DTNA: variants seen among roughly 807,000 people sequenced by gnomAD.
The protein encoded by DTNA is dystrobrevin alpha, also known as dystrophin-related protein 3.
DTNA carries 43 observed loss-of-function variants against 100.7 expected under a neutral mutation model. That is an observed-to-expected ratio of 0.43 (90% CI 0.33 to 0.55). The LOEUF (loss-of-function observed/expected upper bound fraction) is 0.55, where lower values mean the gene tolerates loss of function less well. DTNA is among the 20% of genes least tolerant of loss of function. DTNA has a pLI of 0.04. For synonymous variants in DTNA, 349 were observed against 347.9 expected (o/e 1.00, Z -0.04); for missense variants, 798 against 953.9 (o/e 0.84, Z 2.15).
intron 13 of DTNA, among the ~76,000 whole-genome samples, chr18:34,839,684 C>T (rs2096230664): frequency 6.6e-6 from 1 of 152,142 alleles, no homozygotes; most frequent in Non-Finnish European, 1.5e-5. Context: ...TCAACCACTT[C>T]AATTTTCTCT....
chr18:34,801,261 G>C (rs566382066), intron 4 of DTNA, among the ~76,000 whole-genome samples: 1 of 151,960 alleles, frequency 6.6e-6, no homozygotes, highest in African/African-American at 2.4e-5. Flanking sequence ...TAAATACCTT[G>C]TTACATGTTA....
chr18:34,557,463 G>GT (rs2046193835), intron 1 of DTNA, among the ~76,000 whole-genome samples: 1 of 152,020 alleles, frequency 6.6e-6, no homozygotes, highest in Non-Finnish European at 1.5e-5. Context: ...AGAGTTTCCC[G>GT]TTTTTCTGTT....
chr18:34,814,289 T>C (rs995709050), intron 6 of DTNA, among the ~76,000 whole-genome samples: 3 of 152,216 alleles, frequency 2.0e-5, no homozygotes, highest in Non-Finnish European at 4.4e-5. Context: ...TCTTGAATTT[T>C]AGTTAGTGTA....
chr18:34,776,704 A>G (rs2094070809), intron 3 of DTNA, among the ~76,000 whole-genome samples: 1 of 152,210 alleles, frequency 6.6e-6, no homozygotes, highest in African/African-American at 2.4e-5. Context: ...CCCAGATTAG[A>G]TCTTGTCACT....
chr18:34,870,856 C>A (rs2096758305), intron 17 of DTNA, among the ~76,000 whole-genome samples: 2 of 152,184 alleles, frequency 1.3e-5, no homozygotes, highest in Non-Finnish European at 2.9e-5. Flanking sequence ...CTGTTAAAAC[C>A]CAAGTCAAAT....
At chr18:34,520,743 C>T (rs1275261020) in intron 1 of DTNA, among the ~76,000 whole-genome samples, 1 of 152,110 alleles carries the variant, frequency 6.6e-6, no homozygotes, top group African/African-American at 2.4e-5. Context: ...TTATCTCAGG[C>T]CTCTTGAAGT....
Position 34,858,270 on chromosome 18 carries a change from C to T in DTNA, c.1533-15C>T, listed in dbSNP as rs2096576376. 6.2e-7 allele frequency: 1 copy of T among 1,612,912 alleles called. No individual in the cohort carries two copies. Among genetic ancestry groups the T allele is most frequent in the Admixed American group, 1.7e-5 (1 of 59,936 alleles). On this transcript the variant is annotated splice_polypyrimidine_tract_variant and intron_variant, in intron 15 of 22. Transcript: ENST00000444659. ...TAACTAACCTTGGTTTCTCACCTTC[C>T]TCCTCTCTCCCAAGAGAAATCTTAC...
At chr18:34,678,082 C>T (rs1282323666) in intron 1 of DTNA, among the ~76,000 whole-genome samples, 1 of 152,042 alleles carries the variant, frequency 6.6e-6, no homozygotes, top group Non-Finnish European at 1.5e-5. Context: ...GGAAAAGCCC[C>T]TATACTATCA....
At chr18:34,687,768 A>C (rs2079120088) in intron 1 of DTNA, among the ~76,000 whole-genome samples, 1 of 152,212 alleles carries the variant, frequency 6.6e-6, no homozygotes, top group South Asian at 2.1e-4. Context: ...TTGTGTGGGA[A>C]TATAGGTCTC....
chr18:34,707,965 G>C (rs1009720067), upstream of DTNA, among the ~76,000 whole-genome samples: 3 of 152,122 alleles, frequency 2.0e-5, no homozygotes, highest in African/African-American at 7.2e-5. Context: ...GATTTGTTGT[G>C]GGGCTTTTCT....
intron 1 of DTNA, among the ~76,000 whole-genome samples, chr18:34,633,194 G>C (rs926561213): frequency 6.6e-6 from 1 of 152,122 alleles, no homozygotes; most frequent in Non-Finnish European, 1.5e-5. Context: ...TCCAGTGTGA[G>C]TTAATTATTT....
intron 1 of DTNA, among the ~76,000 whole-genome samples, chr18:34,626,154 A>G (rs759201584): frequency 1.3e-5 from 2 of 152,188 alleles, no homozygotes; most frequent in Non-Finnish European, 2.9e-5. Flanking sequence ...CTTTAGACAG[A>G]TGTACAATGA....
At chr18:34,510,324 C>T (rs1258066027) in intron 1 of DTNA, among the ~76,000 whole-genome samples, 4 of 151,876 alleles carry the variant, frequency 2.6e-5, no homozygotes, top group South Asian at 2.1e-4. Flanking sequence ...TTTCATCCCT[C>T]AGTACCCCGA....
At chr18:34,749,642 A>AT in intron 1 of DTNA, among the ~76,000 whole-genome samples, 1 of 48,644 alleles carries the variant, frequency 2.1e-5, no homozygotes, top group African/African-American at 6.8e-5. Context: ...CTCTCTCCAA[A>AT]AAATAATAAT....
At chr18:34,512,816 G>T (rs1362536095) in intron 1 of DTNA, among the ~76,000 whole-genome samples, 3 of 151,986 alleles carry the variant, frequency 2.0e-5, no homozygotes, top group African/African-American at 7.2e-5. Flanking sequence ...GCATCTTGCA[G>T]GTTATAGTTT....
intron 17 of DTNA, among the ~76,000 whole-genome samples, chr18:34,874,180 T>G (rs1406716617): frequency 6.6e-6 from 1 of 152,190 alleles, no homozygotes; most frequent in East Asian, 1.9e-4. Flanking sequence ...TCCAGAGCAT[T>G]GCTCTGGTGG....
In DTNA at chr18:34,815,974, C is replaced by T. The variant is rs1265299428; in HGVS notation, c.669C>T (p.Val223=). The T allele has an allele frequency of 1.2e-6, 2 of 1,613,696 alleles. No individual in the cohort carries two copies. The highest frequency in any genetic ancestry group is 2.7e-5 in the African/African-American group (2 of 74,890). The part of the protein sequence containing the change: ...LMSDPPPQCL[V]WLPLLHRLAN... ...CAGATCCTCCCCCGCAGTGTCTGGT[C>T]TGGTTGCCTCTTCTGCATCGACTAG... Residue 223 remains valine (V), a synonymous_variant, in exon 7 of 23, where the codon GTC becomes GTT. Coordinates refer to ENST00000444659, the MANE Select transcript of DTNA (RefSeq NM_001386795.1).
chr18:34,709,689 A>G (rs1032354489), upstream of DTNA, among the ~76,000 whole-genome samples: 5 of 152,172 alleles, frequency 3.3e-5, no homozygotes, highest in Non-Finnish European at 7.4e-5. Context: ...TTAAATTTAA[A>G]TGATAAATTT....
intron 20 of DTNA, among the ~76,000 whole-genome samples, chr18:34,881,151 C>T (rs968612076): frequency 1.3e-5 from 2 of 152,200 alleles, no homozygotes; most frequent in Non-Finnish European, 2.9e-5. Flanking sequence ...ACATGTTGTA[C>T]AGCTATAAAT....
Sources: gnomAD v4.1 joint callset for allele counts (sites outside exome capture counted in the v4.1 genomes callset) on GRCh38, gnomAD v4.1.1 for gene constraint, MANE v1.5 for transcripts, NCBI Gene and HGNC (gene_info 2026-07-23, HGNC 2026-07-21) for gene names.